Variants in ERICH1 observed in about 807,000 individuals in gnomAD.
ERICH1 encodes glutamate rich 1.
Under a neutral mutation model 39.6 loss-of-function variants are expected in ERICH1, and 56 were observed. That is an observed-to-expected ratio of 1.41 (90% CI 1.14 to 1.77). ERICH1 has a LOEUF of 1.77. ERICH1 is among the 40% of genes most tolerant of loss of function. The probability of loss-of-function intolerance (pLI) is 0.00; values close to 1 mark genes in which losing one functional copy is unlikely to be tolerated. For synonymous variants in ERICH1, 313 were observed against 223.6 expected (o/e 1.40, Z -3.57); for missense variants, 826 against 575.4 (o/e 1.44, Z -4.45).
chr8:633,965 T>G (rs1276338854), intron 3 of ERICH1, among the ~76,000 whole-genome samples: 1 of 152,182 alleles, frequency 6.6e-6, no homozygotes, highest in Non-Finnish European at 1.5e-5. Context: ...ATGTTGGATT[T>G]GGCAGTGACT....
At chr8:625,162 G>C (rs1797531712) in intron 3 of ERICH1, among the ~76,000 whole-genome samples, 3 of 152,142 alleles carry the variant, frequency 2.0e-5, no homozygotes. Context: ...CATGAGATTT[G>C]GGTGGGGACA....
At chr8:674,304 T>TC (rs1484052215) in intron 3 of ERICH1, among the ~76,000 whole-genome samples, 2 of 149,266 alleles carry the variant, frequency 1.3e-5, no homozygotes, top group East Asian at 3.9e-4. Flanking sequence ...TGCTTTTTTT[T>TC]TTTTTTTTTT....
intron 3 of ERICH1, among the ~76,000 whole-genome samples, chr8:634,727 T>A (rs374807356): frequency 6.6e-5 from 10 of 152,148 alleles, no homozygotes; most frequent in African/African-American, 2.2e-4. Flanking sequence ...GGGGCCGCTG[T>A]GACACTGAGT....
At chr8:652,450 AC>A (rs112137280) in intron 3 of ERICH1, among the ~76,000 whole-genome samples, 43 of 152,344 alleles carry the variant, frequency 2.8e-4, no homozygotes, top group Middle Eastern at 3.4e-3. Context: ...CTAGATAGGA[AC>A]GGAGTGGAGT....
chr8:626,985 G>A, intron 3 of ERICH1: 1 of 396,822 alleles, frequency 2.5e-6, no homozygotes. Flanking sequence ...GGAAAGCACA[G>A]CTTGGCCTGG....
rs186371406 is a variant in ERICH1 at position 670,991 on chromosome 8, T to C, written c.1064-2199A>G. ...CCCCAGCTCCAACACCTGAGCCCAC[T>C]GGTCCCCAGGCTCCGACCTCTGAAC... is the stretch of plus-strand genomic sequence containing the variant. On this transcript the variant is annotated intron_variant, in intron 4 of 5. Transcript: ENST00000262109. 1.8e-3 allele frequency among the ~76,000 whole-genome samples: 262 copies of C among 149,460 alleles called. 1 individual carries two copies. Among genetic ancestry groups the C allele is most frequent in the African/African-American group, 6.1e-3 (245 of 40,346 alleles).
intron 2 of ERICH1, among the ~76,000 whole-genome samples, chr8:701,183 G>A (rs923265590): frequency 2.2e-4 from 33 of 152,286 alleles, no homozygotes; most frequent in African/African-American, 5.1e-4. Flanking sequence ...CCCGCCAGAC[G>A]GGAGCACACC....
chr8:621,689 A>G (rs1316143163), intron 3 of ERICH1, among the ~76,000 whole-genome samples: 2 of 152,130 alleles, frequency 1.3e-5, no homozygotes, highest in Admixed American at 6.5e-5. Flanking sequence ...CAAAACGACA[A>G]TCCTTTAGAA....
chr8:652,452 G>A (rs755395722), intron 3 of ERICH1, among the ~76,000 whole-genome samples: 3 of 152,246 alleles, frequency 2.0e-5, no homozygotes, highest in East Asian at 1.9e-4. Flanking sequence ...AGATAGGAAC[G>A]GAGTGGAGTT....
chr8:705,073 C>G (rs1283009056), intron 2 of ERICH1, among the ~76,000 whole-genome samples: 1 of 152,214 alleles, frequency 6.6e-6, no homozygotes, highest in Non-Finnish European at 1.5e-5. Flanking sequence ...ATGGAATTAT[C>G]AACACTCTTC....
intron 2 of ERICH1, among the ~76,000 whole-genome samples, chr8:701,275 C>G (rs1174698468): frequency 6.6e-6 from 1 of 151,668 alleles, no homozygotes; most frequent in Non-Finnish European, 1.5e-5. Context: ...GCCGTACCCA[C>G]GGGTCTGCCC....
rs924282895 is a variant in ERICH1, at chr8:634,271, T to C, written c.977-18987A>G. Reference sequence around the variant, plus strand: ...AGAAGACACACAAGTAGCTGATAAATCCACGAAGCGGTGCTCACCTCACCC... The same window carrying C: ...AGAAGACACACAAGTAGCTGATAAACCCACGAAGCGGTGCTCACCTCACCC... On this transcript the variant is annotated intron_variant, in intron 3 of 3. Transcript: ENST00000522706. Among the ~76,000 whole-genome samples the C allele has an allele frequency of 4.0e-5, 6 of 151,042 alleles. 1 individual carries two copies. Among genetic ancestry groups the C allele is most frequent in the Admixed American group, 2.6e-4 (4 of 15,156 alleles).
In ERICH1 at chr8:708,681, G is replaced by GTTTTTTTTTTTTTTTTTTTTTTT. The variant is rs139731216; in HGVS notation, c.169+7157_169+7179dup. On this transcript the variant is annotated intron_variant, in intron 2 of 5. Transcript: ENST00000262109. ...GGGCTGAGTGGTTACGGGATAATGAGTTTTTTTTTTTTTTTTTTTTTTTTT... is the reference window on the plus strand; with the variant it reads ...GGGCTGAGTGGTTACGGGATAATGAGTTTTTTTTTTTTTTTTTTTTTTTTTTTTTTTTTTTTTTTTTTTTTTTT... Among the ~76,000 whole-genome samples, 23 of 65,762 alleles carry GTTTTTTTTTTTTTTTTTTTTTTT rather than the reference G, an allele frequency of 3.5e-4. 2 individuals carry two copies. The highest frequency in any genetic ancestry group is 5.4e-4 in the Non-Finnish European group (18 of 33,640). 43.1% of individuals were successfully genotyped at this position (65,762 alleles called of 152,430 possible).
chr8:632,941 G>A (rs182390158), intron 3 of ERICH1, among the ~76,000 whole-genome samples: 2 of 152,230 alleles, frequency 1.3e-5, no homozygotes, highest in African/African-American at 2.4e-5. Flanking sequence ...CCACAGCAAA[G>A]AGCCGTTTAG....
intron 3 of ERICH1, among the ~76,000 whole-genome samples, chr8:629,169 G>A (rs926151349): frequency 1.3e-5 from 2 of 152,050 alleles, no homozygotes; most frequent in African/African-American, 4.8e-5. Context: ...GTGATCATAC[G>A]GTCCCACCCA....
At chr8:641,202 C>A (rs1798939120) in intron 3 of ERICH1, 1 of 152,170 alleles carries the variant, frequency 6.6e-6, no homozygotes, top group South Asian at 2.1e-4. Context: ...GGGTCATTTG[C>A]TGGAGTCTGA....
chr8:673,151 T>C (rs1202259879), intron 4 of ERICH1, 138 bp downstream of exon 4: 9 of 1,054,122 alleles, frequency 8.5e-6, no homozygotes, highest in Non-Finnish European at 8.0e-6. Context: ...TTTTTACTTA[T>C]ATTAGTTGCC....
chr8:673,907 G>C lies in ERICH1; in HGVS notation c.445C>G (p.Arg149Gly), dbSNP rs537876723. 1 of 1,613,282 alleles carries C rather than the reference G, an allele frequency of 6.2e-7. No individual in the cohort carries two copies. Among genetic ancestry groups the C allele is most frequent in the East Asian group, 2.2e-5 (1 of 44,890 alleles). The change falls in exon 4 of 6, where the codon CGA becomes GGA. Residue 149 changes from arginine to glycine, a missense_variant. By Grantham distance (125) the Arg-to-Gly change is moderately radical. Coordinates refer to ENST00000262109, the MANE Select transcript of ERICH1 (RefSeq NM_207332.3). ...ATTGTGGTGCCATCTGTGTGCTGTC[G>C]CTGAGATTTCTCCTGTAACAGACTC... ...QQSLLQEKSQRQHTDGTTISK... is the reference protein window; with the variant it reads ...QQSLLQEKSQGQHTDGTTISK...
rs13260299 is a variant in ERICH1 at position 639,783 on chromosome 8, C to G, written c.977-24499G>C. On this transcript the variant is annotated intron_variant, in intron 3 of 3. Coordinates refer to the ERICH1 transcript ENST00000522706. ...GAGGCAGCCACCAATCCAGTTAGCA[C>G]ACATGACCGAGCACCCTGGATTCAC... Among the ~76,000 whole-genome samples the G allele has an allele frequency of 9.7e-3, 710 of 73,304 alleles. 134 individuals carry two copies. Among genetic ancestry groups the G allele is most frequent in the Middle Eastern group, 0.042 (5 of 118 alleles). The allele number at this position is 73,304 out of a possible 152,430, so 48.1% of individuals were successfully genotyped here.
Sources: allele counts gnomAD v4.1 joint callset (sites outside exome capture counted in the v4.1 genomes callset), GRCh38; gene constraint gnomAD v4.1.1; transcripts MANE v1.5; gene names NCBI Gene and HGNC (gene_info 2026-07-23, HGNC 2026-07-21).